The following VWF variants were observed in gnomAD, a reference collection of about 807,000 sequenced individuals.
VWF encodes the protein von Willebrand factor.
In VWF, 176 loss-of-function variants were observed where a neutral mutation model predicts 308.6. The ratio of observed to expected loss-of-function variants is 0.57; its 90% CI spans 0.50 to 0.65. The LOEUF is 0.65. Ranked by LOEUF, VWF falls within the 30% of genes least tolerant of loss-of-function variation. The probability of loss-of-function intolerance (pLI) is 0.00; values close to 1 mark genes in which losing one functional copy is unlikely to be tolerated. For synonymous variants in VWF, 1,385 were observed against 1,443.4 expected (o/e 0.96, Z 0.92); for missense variants, 3,146 against 3,648.2 (o/e 0.86, Z 3.55).
chr12:6,122,832 T>A (rs1382252816), intron 2 of VWF: 2 of 650,174 alleles, frequency 3.1e-6, no homozygotes, highest in Non-Finnish European at 5.8e-6. Context: ...CACAATCTTA[T>A]CGAAAACTAA....
intron 38 of VWF, among the ~76,000 whole-genome samples, chr12:5,987,373 T>C (rs1021173174): frequency 1.2e-4 from 18 of 152,228 alleles, no homozygotes; most frequent in Non-Finnish European, 1.0e-4. Context: ...GTAGTATCTA[T>C]ATTTACAAAT....
intron 22 of VWF, among the ~76,000 whole-genome samples, chr12:6,028,849 C>A (rs1321571404): frequency 1.3e-5 from 2 of 152,176 alleles, no homozygotes; most frequent in Non-Finnish European, 2.9e-5. Flanking sequence ...GAAACGGTAT[C>A]AATTAATGGG....
Position 5,969,297 on chromosome 12 carries a change from G to T in VWF, c.7643C>A (p.Ser2548Tyr). The T allele has an allele frequency of 6.2e-7, 1 of 1,614,200 alleles. No homozygotes were observed. Among genetic ancestry groups the T allele is most frequent in the Non-Finnish European group, 8.5e-7 (1 of 1,180,046 alleles). ...GACAGGGACCTCCAGCTGGGGGCAG[G>T]AGACGTTCCTTTGTTGTATAAAGAC... ...EEVFIQQRNV[S>Y]CPQLEVPVCP... is the part of the protein sequence containing the mutation. The change falls in exon 45 of 52, where the codon TCC (serine) becomes TAC (tyrosine). Residue 2548 changes from serine to tyrosine, a missense_variant. Physicochemically the swap from Ser to Tyr is moderately radical, Grantham distance 144 (BLOSUM62 -2). Coordinates refer to ENST00000261405, the MANE Select transcript of VWF (RefSeq NM_000552.5).
Position 5,949,043 on chromosome 12 carries a change from T to C in VWF, c.8414A>G (p.Lys2805Arg), listed in dbSNP as rs1403749521. 3.1e-6 allele frequency: 5 copies of C among 1,613,722 alleles called. 1 individual carries two copies. The African/African-American group carries it at 4.0e-5, about 13-fold the overall frequency. The change falls in exon 52 of 52, where the codon AAA becomes AGA. Residue 2805 changes from lysine to arginine, a missense_variant. Around this residue, in one of 3 missense-constraint regions of VWF, gnomAD observed 989 missense variants for 1,117.4 expected, o/e 0.89. Coordinates refer to ENST00000261405, the MANE Select transcript of VWF (RefSeq NM_000552.5). ...CTTGCTGCACTTCCTGGGGGAGCAT[T>C]TGCACTCCATGGCATTGAGAACCTC... ...YHEVLNAMEC[K>R]CSPRKCSK
At chr12:6,053,684 G>A (rs1388361137) in intron 15 of VWF, among the ~76,000 whole-genome samples, 1 of 152,192 alleles carries the variant, frequency 6.6e-6, no homozygotes, top group Non-Finnish European at 1.5e-5. Context: ...CTGGCTGTGT[G>A]ATCTTGGGCA....
At chr12:6,037,993 G>C (rs1215936836) in intron 18 of VWF, among the ~76,000 whole-genome samples, 1 of 152,208 alleles carries the variant, frequency 6.6e-6, no homozygotes, top group Non-Finnish European at 1.5e-5. Flanking sequence ...CGCATCTCTG[G>C]AAGCCCAGCT....
At chr12:6,080,650 C>T (rs560883231) in intron 6 of VWF, among the ~76,000 whole-genome samples, 2 of 152,290 alleles carry the variant, frequency 1.3e-5, no homozygotes, top group South Asian at 2.1e-4. Flanking sequence ...CCAGTCTTGC[C>T]GACAGATTCC....
chr12:6,103,283 C>T lies in VWF; in HGVS notation c.532+7091G>A, dbSNP rs550831531. Among the ~76,000 whole-genome samples, 9 of 151,806 alleles carry T rather than the reference C, an allele frequency of 5.9e-5. No individual in the cohort carries two copies. The South Asian group carries it at 6.2e-4, about 11-fold the overall frequency. ...GCGGAGCTTGCAGTGAGCCAATCCA[C>T]GCCACTGCACTCCAGCCTGGGCAAC... On this transcript the variant is annotated intron_variant, in intron 5 of 51. Transcript: ENST00000261405.
intron 6 of VWF, among the ~76,000 whole-genome samples, chr12:6,079,584 T>C (rs1037447709): frequency 1.7e-4 from 26 of 148,944 alleles, no homozygotes; most frequent in Admixed American, 3.4e-4. Context: ...CACTCTAGCC[T>C]GGGCGACAGA....
In VWF at chr12:6,024,565, A is replaced by G. The variant is rs1240728262; in HGVS notation, c.3223-778T>C. Among the ~76,000 whole-genome samples the G allele has an allele frequency of 3.9e-5, 6 of 152,250 alleles. No homozygotes were observed. The highest frequency in any genetic ancestry group is 1.2e-4 in the African/African-American group (5 of 41,464). On this transcript the variant is annotated intron_variant, in intron 24 of 51. Coordinates refer to ENST00000261405, the MANE Select transcript of VWF (RefSeq NM_000552.5). This position sits in a 1 kb window ranked among gnomAD's most constrained non-coding sequence, Gnocchi z 4.0. ...AAATCACTGCATAGATAGAAAGAGAATTGAGATCCATGTTTTCAACCAGTC... is the reference window on the plus strand; with the variant it reads ...AAATCACTGCATAGATAGAAAGAGAGTTGAGATCCATGTTTTCAACCAGTC...
chr12:5,967,344 C>T, intron 47 of VWF, 142 bp downstream of exon 47: 1 of 789,346 alleles, frequency 1.3e-6, no homozygotes, highest in Non-Finnish European at 2.2e-6. Flanking sequence ...GATTTTTAGT[C>T]TCTTCTTTAT....
At chr12:6,114,524 C>T (rs1238274675) in intron 3 of VWF, among the ~76,000 whole-genome samples, 1 of 152,182 alleles carries the variant, frequency 6.6e-6, no homozygotes, top group Non-Finnish European at 1.5e-5. Flanking sequence ...AGAGCCCCAG[C>T]CCTCCTAGAG....
At chr12:6,004,993 A>G (rs1373225048) in intron 34 of VWF, among the ~76,000 whole-genome samples, 1 of 152,218 alleles carries the variant, frequency 6.6e-6, no homozygotes, top group Non-Finnish European at 1.5e-5. Context: ...CAGTTCTCCC[A>G]AAGTTAATGT....
intron 50 of VWF, among the ~76,000 whole-genome samples, chr12:5,951,289 A>G (rs1282931206): frequency 6.6e-6 from 1 of 152,152 alleles, no homozygotes; most frequent in African/African-American, 2.4e-5. Flanking sequence ...TACGAGGTAA[A>G]GAGGAGCTCA....
chr12:6,086,172 C>G (rs1044496481), intron 6 of VWF, among the ~76,000 whole-genome samples: 1 of 152,190 alleles, frequency 6.6e-6, no homozygotes, highest in Non-Finnish European at 1.5e-5. Flanking sequence ...GTAACTTACA[C>G]GAGGACATGC....
chr12:6,083,934 G>A (rs894138185), intron 6 of VWF, among the ~76,000 whole-genome samples: 3 of 152,286 alleles, frequency 2.0e-5, no homozygotes, highest in African/African-American at 4.8e-5. Context: ...TTGAGCCGGC[G>A]TTTTGGTGCA....
At chr12:6,119,847 A>AAAAT (rs1344182130) in intron 3 of VWF, among the ~76,000 whole-genome samples, 12 of 152,120 alleles carry the variant, frequency 7.9e-5, no homozygotes, top group Non-Finnish European at 1.6e-4. Flanking sequence ...CTCCGTCTCA[A>AAAAT]AAATAAATAA....
At chr12:5,956,641 GAAA>G (rs532557839) in intron 47 of VWF, among the ~76,000 whole-genome samples, 3 of 105,508 alleles carry the variant, frequency 2.8e-5, no homozygotes, top group Admixed American at 1.0e-4. Context: ...ACCCTGTCTC[GAAA>G]AAAAAAAAAA....
chr12:6,037,780 C>T (rs1591876385), intron 18 of VWF, among the ~76,000 whole-genome samples: 1 of 152,202 alleles, frequency 6.6e-6, no homozygotes, highest in Non-Finnish European at 1.5e-5. Flanking sequence ...GACCCAGTCA[C>T]TCCCCAGACA....
Sources: allele counts gnomAD v4.1 joint callset (sites outside exome capture counted in the v4.1 genomes callset), GRCh38; gene constraint gnomAD v4.1.1; regional missense constraint gnomAD v4.1.1; non-coding constraint Gnocchi (gnomAD v3.1); transcripts MANE v1.5; gene names NCBI Gene and HGNC (gene_info 2026-07-23, HGNC 2026-07-21).